The following ZNF804B variants were observed in gnomAD, a reference collection of about 807,000 sequenced individuals.
The protein encoded by ZNF804B is zinc finger protein 804B.
A neutral mutation model predicts 101.4 loss-of-function variants in ZNF804B; 80 were observed. That is an observed-to-expected ratio of 0.79 (90% CI 0.66 to 0.95). The LOEUF is 0.95. Among genes scored for constraint, ZNF804B ranks in the 40% least tolerant of loss-of-function variants. The pLI is 0.00. For missense variants in ZNF804B, 1,673 were observed against 1,561.9 expected (o/e 1.07, Z -1.20); for synonymous variants, 622 against 558.8 (o/e 1.11, Z -1.59).
chr7:89,323,127 A>G (rs1790845146), intron 2 of ZNF804B, among the ~76,000 whole-genome samples: 1 of 152,240 alleles, frequency 6.6e-6, no homozygotes, highest in African/African-American at 2.4e-5. Context: ...TGAGGATATA[A>G]CAAAAAGATG....
At chr7:88,902,311 G>A (rs1453773179) in intron 1 of ZNF804B, among the ~76,000 whole-genome samples, 3 of 151,866 alleles carry the variant, frequency 2.0e-5, no homozygotes, top group Non-Finnish European at 2.9e-5. Context: ...TTCCAGCAGC[G>A]CATCTCTATA....
At chr7:88,974,239 AATAC>A (rs1039187806) in intron 1 of ZNF804B, among the ~76,000 whole-genome samples, 1 of 150,612 alleles carries the variant, frequency 6.6e-6, no homozygotes, top group African/African-American at 2.4e-5. Flanking sequence ...CAAATATGTA[AATAC>A]ATATATATGA....
chr7:89,132,178 ACACACACAC>A (rs1790563235), intron 1 of ZNF804B, among the ~76,000 whole-genome samples: 1 of 77,768 alleles, frequency 1.3e-5, no homozygotes, highest in Non-Finnish European at 3.2e-5. Flanking sequence ...ATACACACAC[ACACACACAC>A]ACACACACAC....
At chr7:88,843,099 A>T (rs1791312108) in intron 1 of ZNF804B, among the ~76,000 whole-genome samples, 1 of 152,164 alleles carries the variant, frequency 6.6e-6, no homozygotes, top group Admixed American at 6.5e-5. Flanking sequence ...AAAGCTGAGG[A>T]ATGCTTTGTA....
intron 1 of ZNF804B, among the ~76,000 whole-genome samples, chr7:89,086,799 A>G (rs1362249668): frequency 6.6e-6 from 1 of 151,926 alleles, no homozygotes; most frequent in Admixed American, 6.6e-5. Context: ...AATTCTTCCT[A>G]GAAGCTTGTG....
At chr7:89,270,444 T>C (rs924671966) in intron 2 of ZNF804B, among the ~76,000 whole-genome samples, 8 of 152,198 alleles carry the variant, frequency 5.3e-5, no homozygotes, top group Non-Finnish European at 8.8e-5. Context: ...TTGGTACCAG[T>C]ATCATGCTGT....
At chr7:88,931,914 A>G (rs979527217) in intron 1 of ZNF804B, among the ~76,000 whole-genome samples, 3 of 151,790 alleles carry the variant, frequency 2.0e-5, no homozygotes, top group South Asian at 2.1e-4. Flanking sequence ...TGCTAGTACT[A>G]TTGGTGTTTC....
Position 89,212,547 on chromosome 7 carries a change from C to T in ZNF804B, c.109-5608C>T, listed in dbSNP as rs147453251. ...CATCATTCTCCAAAACAAAGAAGTA[C>T]GCAGTGAAAGGTAAGGTAAGTACGC... On this transcript the variant is annotated intron_variant, in intron 1 of 3. Transcript: ENST00000333190. 1.8e-3 allele frequency among the ~76,000 whole-genome samples: 273 copies of T among 152,140 alleles called. 1 individual carries two copies. The highest frequency in any genetic ancestry group is 6.2e-3 in the African/African-American group (257 of 41,510).
intron 1 of ZNF804B, among the ~76,000 whole-genome samples, chr7:89,102,619 C>T (rs1790072423): frequency 6.6e-6 from 1 of 151,938 alleles, no homozygotes; most frequent in East Asian, 1.9e-4. Context: ...AACAGGTTCT[C>T]CCATTCTGTA....
chr7:89,337,417 A>G lies in ZNF804B; in HGVS notation c.*385A>G, dbSNP rs1177173407. On this transcript the variant is annotated 3_prime_UTR_variant, in exon 4 of 4. Transcript: ENST00000333190. Reference sequence around the variant, plus strand: ...TTCTAAGTATTTGTTGTGTGAATGAATGAGTGTTGATTTGGCTTATTTGTT... The same window carrying G: ...TTCTAAGTATTTGTTGTGTGAATGAGTGAGTGTTGATTTGGCTTATTTGTT... Among the ~76,000 whole-genome samples the G allele has an allele frequency of 6.6e-6, 1 of 152,144 alleles. No homozygotes were observed. The highest frequency in any genetic ancestry group is 2.4e-5 in the African/African-American group (1 of 41,458).
In ZNF804B at chr7:89,196,183, C is replaced by T. The variant is rs1402297296; in HGVS notation, c.109-21972C>T. ...TTCAAGACTACAATAACCAAAAGAGCATGATACCAGTATTAAAACAGACCC... is the reference window on the plus strand; with the variant it reads ...TTCAAGACTACAATAACCAAAAGAGTATGATACCAGTATTAAAACAGACCC... On this transcript the variant is annotated intron_variant, in intron 1 of 3. Coordinates refer to ENST00000333190, the MANE Select transcript of ZNF804B (RefSeq NM_181646.5). Among the ~76,000 whole-genome samples the T allele has an allele frequency of 2.0e-5, 3 of 152,066 alleles. No individual in the cohort carries two copies. The East Asian group carries it at 5.8e-4, about 29-fold the overall frequency.
intron 1 of ZNF804B, among the ~76,000 whole-genome samples, chr7:89,209,459 T>G (rs1391461347): frequency 6.6e-6 from 1 of 152,196 alleles, no homozygotes; most frequent in Non-Finnish European, 1.5e-5. Flanking sequence ...CAATTGATTA[T>G]GGTAAAATGG....
chr7:89,158,958 G>T (rs1255406483), intron 1 of ZNF804B, among the ~76,000 whole-genome samples: 2 of 152,038 alleles, frequency 1.3e-5, no homozygotes, highest in Non-Finnish European at 2.9e-5. Flanking sequence ...TACAGAGATT[G>T]TCCCCAAACT....
chr7:89,089,354 CG>C (rs542339556), intron 1 of ZNF804B, among the ~76,000 whole-genome samples: 1 of 146,846 alleles, frequency 6.8e-6, no homozygotes, highest in African/African-American at 2.7e-5. Flanking sequence ...GCTATGTTTT[CG>C]GAAAAATTTT....
At chr7:89,079,641 A>T (rs1318103835) in intron 1 of ZNF804B, among the ~76,000 whole-genome samples, 1 of 152,074 alleles carries the variant, frequency 6.6e-6, no homozygotes, top group African/African-American at 2.4e-5. Context: ...CATGAAATTT[A>T]GATAATAAGT....
At chr7:88,846,094 A>AT (rs1410200089) in intron 1 of ZNF804B, among the ~76,000 whole-genome samples, 1 of 152,232 alleles carries the variant, frequency 6.6e-6, no homozygotes, top group African/African-American at 2.4e-5. Flanking sequence ...AACATTTTGC[A>AT]TTAAGTTGAA....
At chr7:89,175,151 C>G (rs1369482933) in intron 1 of ZNF804B, among the ~76,000 whole-genome samples, 4 of 151,950 alleles carry the variant, frequency 2.6e-5, no homozygotes, top group African/African-American at 9.7e-5. Context: ...AAATCTTTGC[C>G]CAGACTAATG....
At chr7:89,167,331 T>C (rs947987473) in intron 1 of ZNF804B, among the ~76,000 whole-genome samples, 13 of 151,190 alleles carry the variant, frequency 8.6e-5, no homozygotes, top group Non-Finnish European at 1.0e-4. Context: ...TAATCTCAGC[T>C]ACTTGGGAGG....
chr7:88,891,899 G>C (rs144862056), intron 1 of ZNF804B, among the ~76,000 whole-genome samples: 2,287 of 152,022 alleles, frequency 0.015, 58 homozygotes, highest in African/African-American at 0.052. Context: ...ACAGGCCCTG[G>C]TGTGTGATGT....
Sources: gnomAD v4.1 joint callset for allele counts (sites outside exome capture counted in the v4.1 genomes callset) on GRCh38, gnomAD v4.1.1 for gene constraint, MANE v1.5 for transcripts, NCBI Gene and HGNC (gene_info 2026-07-23, HGNC 2026-07-21) for gene names.